The following DNAAF11 variants were observed in gnomAD, a reference collection of about 807,000 sequenced individuals.
The protein encoded by DNAAF11 is dynein axonemal assembly factor 11.
Under a neutral mutation model 60.8 loss-of-function variants are expected in DNAAF11, and 45 were observed. The observed-to-expected ratio is 0.74, with a 90% CI of 0.58 to 0.95. The LOEUF is 0.95. DNAAF11 is among the 40% of genes least tolerant of loss of function. The pLI is 0.00. For missense variants in DNAAF11, 546 were observed against 546.2 expected, an observed-to-expected ratio of 1.00 and a Z score of 0.00; for synonymous variants, 191 against 183.5, an observed-to-expected ratio of 1.04 and a Z score of -0.33.
intron 10 of DNAAF11, among the ~76,000 whole-genome samples, chr8:132,601,000 G>GA (rs1474015102): frequency 6.6e-6 from 1 of 151,450 alleles, no homozygotes. Context: ...TACAGAATGG[G>GA]AAAAAAGTTT....
chr8:132,625,530 T>A lies in DNAAF11; in HGVS notation c.654-76A>T, dbSNP rs2293980. The A allele has an allele frequency of 0.028, 30,041 of 1,073,178 alleles. 2,682 individuals are homozygous for A. Among genetic ancestry groups the A allele is most frequent in the African/African-American group, 0.28 (17,240 of 61,990 alleles). 66.5% of individuals were successfully genotyped at this position (1,073,178 alleles called of 1,614,324 possible). A position where few individuals can be genotyped will look rare whatever the true frequency, so the allele number is the denominator to read the frequency against. Reference sequence around the variant, plus strand: ...CATCCTTAATGCTGGCCCTTTAATATCTATACACTTTTCTTATGTGATCTT... The same window carrying A: ...CATCCTTAATGCTGGCCCTTTAATAACTATACACTTTTCTTATGTGATCTT... On this transcript the variant is annotated intron_variant, in intron 5 of 11. Transcript: ENST00000620350.
the DNAAF11 span, among the ~76,000 whole-genome samples, chr8:132,695,359 C>A: frequency 6.6e-6 from 1 of 152,000 alleles, no homozygotes; most frequent in African/African-American, 2.4e-5. Flanking sequence ...ATTCCTGGAG[C>A]AATTTTTATA....
chr8:132,584,622 TC>T (rs1402365210), intron 10 of DNAAF11, among the ~76,000 whole-genome samples: 2 of 152,190 alleles, frequency 1.3e-5, no homozygotes, highest in Non-Finnish European at 2.9e-5. Flanking sequence ...CCTTTTGTTT[TC>T]AAGGAGTGAC....
At chr8:132,674,696 C>T (rs1262566376) in intron 1 of DNAAF11, among the ~76,000 whole-genome samples, 1 of 152,208 alleles carries the variant, frequency 6.6e-6, no homozygotes, top group Non-Finnish European at 1.5e-5. Flanking sequence ...CGAGACCAGC[C>T]TGGCCAACAT....
At chr8:132,596,789 C>T (rs1393172328) in intron 10 of DNAAF11, among the ~76,000 whole-genome samples, 2 of 152,218 alleles carry the variant, frequency 1.3e-5, no homozygotes, top group Admixed American at 6.5e-5. Context: ...GCGACACTCC[C>T]TCTCCTGTTG....
At chr8:132,589,376 G>T (rs751750431) in intron 10 of DNAAF11, among the ~76,000 whole-genome samples, 1 of 152,114 alleles carries the variant, frequency 6.6e-6, no homozygotes, top group Non-Finnish European at 1.5e-5. Flanking sequence ...CATAAGTGGT[G>T]ATGAGAACTT....
rs1824143261 is a variant in DNAAF11, at chr8:132,661,602, A to T, written c.36T>A (p.Asn12Lys). The part of the protein sequence containing the change: ...GWITEDLIRR[N>K]AEHNDCVIFS... ...AAATGACACAGTCGTTGTGTTCAGC[A>T]TTCCGTCTAATAAGATCTTCTGTGA... The change falls in exon 2 of 12, where the codon AAT (asparagine) becomes AAA (lysine). Residue 12 changes from asparagine to lysine, a missense_variant. Coordinates refer to ENST00000620350, the MANE Select transcript of DNAAF11 (RefSeq NM_012472.6). 1 of 1,614,138 alleles carries T rather than the reference A, an allele frequency of 6.2e-7. No individual in the cohort carries two copies. The highest frequency in any genetic ancestry group is 2.2e-5 in the East Asian group (1 of 44,876).
chr8:132,627,841 C>T (rs1304821607), intron 5 of DNAAF11, among the ~76,000 whole-genome samples: 3 of 151,986 alleles, frequency 2.0e-5, no homozygotes, highest in African/African-American at 4.8e-5. Context: ...CTATTATAAC[C>T]TGGCTGCTGC....
At chr8:132,680,971 A>G in the DNAAF11 span, among the ~76,000 whole-genome samples, 1 of 132,308 alleles carries the variant, frequency 7.6e-6, no homozygotes, top group Non-Finnish European at 1.6e-5. Flanking sequence ...AATGGCAAAA[A>G]CCGCAATTAG....
At chr8:132,681,696 A>G in the DNAAF11 span, among the ~76,000 whole-genome samples, 1 of 152,196 alleles carries the variant, frequency 6.6e-6, no homozygotes, top group Non-Finnish European at 1.5e-5. Flanking sequence ...GAAGTAGAAA[A>G]GCATGTCTCA....
chr8:132,660,908 A>C (rs1824068540), intron 2 of DNAAF11, among the ~76,000 whole-genome samples: 1 of 152,160 alleles, frequency 6.6e-6, no homozygotes, highest in South Asian at 2.1e-4. Context: ...ACTTTCTTAG[A>C]AGAGCTTTAT....
At chr8:132,605,950 G>A (rs898883546) in intron 10 of DNAAF11, among the ~76,000 whole-genome samples, 15 of 151,326 alleles carry the variant, frequency 9.9e-5, no homozygotes, top group African/African-American at 2.4e-4. Context: ...TAATGGGGTC[G>A]GGGGGACAGG....
the DNAAF11 span, among the ~76,000 whole-genome samples, chr8:132,691,496 G>T: frequency 6.6e-6 from 1 of 151,948 alleles, no homozygotes; most frequent in Non-Finnish European, 1.5e-5. Context: ...AACCAAGATG[G>T]GTTCTCACAC....
At chr8:132,701,133 T>G in the DNAAF11 span, among the ~76,000 whole-genome samples, 22,696 of 152,134 alleles carry the variant, frequency 0.15, 4,874 homozygotes, top group African/African-American at 0.48. Context: ...TCACCTTTTT[T>G]AAGGGTCCCA....
the DNAAF11 span, among the ~76,000 whole-genome samples, chr8:132,689,589 C>T: frequency 6.6e-6 from 1 of 152,014 alleles, no homozygotes; most frequent in Admixed American, 6.6e-5. Context: ...ATACTATATA[C>T]ATTAATTTAA....
intron 10 of DNAAF11, among the ~76,000 whole-genome samples, chr8:132,591,794 T>C (rs1043178444): frequency 6.6e-6 from 1 of 152,144 alleles, no homozygotes; most frequent in African/African-American, 2.4e-5. Context: ...AAGTATTTAC[T>C]GAATGGTAGG....
chr8:132,601,638 T>C (rs140734243), intron 10 of DNAAF11, among the ~76,000 whole-genome samples: 1 of 152,094 alleles, frequency 6.6e-6, no homozygotes, highest in African/African-American at 2.4e-5. Context: ...TGGATGAAGC[T>C]GGAAACCATT....
chr8:132,683,040 C>G, the DNAAF11 span, among the ~76,000 whole-genome samples: 1 of 152,266 alleles, frequency 6.6e-6, no homozygotes, highest in Admixed American at 6.5e-5. Flanking sequence ...CAATGGGAAT[C>G]AAATTTTAAA....
At chr8:132,579,144 C>T (rs1815062682) in intron 11 of DNAAF11, among the ~76,000 whole-genome samples, 1 of 152,194 alleles carries the variant, frequency 6.6e-6, no homozygotes, top group South Asian at 2.1e-4. Flanking sequence ...CAGTGTTTTT[C>T]TCTGCAGCAC....
Sources: gnomAD v4.1 joint callset for allele counts (sites outside exome capture counted in the v4.1 genomes callset) on GRCh38, gnomAD v4.1.1 for gene constraint, MANE v1.5 for transcripts, NCBI Gene and HGNC (gene_info 2026-07-23, HGNC 2026-07-21) for gene names.